Variants in KDM5B observed in about 807,000 individuals in gnomAD.
KDM5B encodes lysine demethylase 5B.
A neutral mutation model predicts 193.4 loss-of-function variants in KDM5B; 144 were observed. The observed-to-expected ratio is 0.74, with a 90% confidence interval of 0.65 to 0.86. The LOEUF (loss-of-function observed/expected upper bound fraction) is 0.86. KDM5B is among the 40% of genes least tolerant of loss of function. The pLI is 0.00. For missense variants in KDM5B, 1,833 were observed against 1,886.9 expected, an observed-to-expected ratio of 0.97 and a Z score of 0.53; for synonymous variants, 668 against 682.6, an observed-to-expected ratio of 0.98 and a Z score of 0.33.
intron 2 of KDM5B, 37 bp from the exon 3 acceptor site, chr1:202,774,772 CTTATT>C (rs1656869471): frequency 6.3e-7 from 1 of 1,597,582 alleles, no homozygotes; most frequent in African/African-American, 1.3e-5. Flanking sequence ...TCTCATTTAG[CTTATT>C]TTAAAGCTCC....
intron 1 of KDM5B, among the ~76,000 whole-genome samples, chr1:202,784,923 A>G (rs1657344303): frequency 1.3e-5 from 2 of 151,438 alleles, no homozygotes; most frequent in African/African-American, 2.4e-5. Context: ...CATCCTAGCT[A>G]CTCAGGAGGT....
chr1:202,787,476 T>A (rs6656784), intron 1 of KDM5B, among the ~76,000 whole-genome samples: 92,257 of 152,122 alleles, frequency 0.61, 31,230 homozygotes, highest in Middle Eastern at 0.77. Flanking sequence ...TGAGTTAATC[T>A]CTTTAATCTG....
intron 13 of KDM5B, 105 bp from the exon 14 acceptor site, chr1:202,749,244 T>TA: frequency 1.0e-6 from 1 of 972,504 alleles, no homozygotes; most frequent in South Asian, 1.7e-5. Flanking sequence ...CTATGGGTCT[T>TA]AACACGTATC....
chr1:202,734,707 C>T (rs575228318), intron 22 of KDM5B, among the ~76,000 whole-genome samples: 16 of 152,254 alleles, frequency 1.1e-4, no homozygotes, highest in African/African-American at 3.6e-4. Flanking sequence ...ACTGAATATA[C>T]GAATATACAC....
At chr1:202,756,908 A>C (rs1387283254) in intron 9 of KDM5B, among the ~76,000 whole-genome samples, 1 of 152,244 alleles carries the variant, frequency 6.6e-6, no homozygotes, top group Non-Finnish European at 1.5e-5. Flanking sequence ...GCTTTCAAAT[A>C]CATTACCTGA....
intron 9 of KDM5B, among the ~76,000 whole-genome samples, chr1:202,757,709 G>C (rs1382099106): frequency 6.6e-6 from 1 of 152,070 alleles, no homozygotes. Flanking sequence ...TATATTGCTG[G>C]GATCCATAAA....
Position 202,731,929 on chromosome 1 carries a change from G to A in KDM5B, c.3920C>T (p.Pro1307Leu), listed in dbSNP as rs1420418417. The change falls in exon 24 of 27, where the codon CCT becomes CTT. Residue 1307 changes from proline to leucine, a missense_variant. Transcript: ENST00000367265. ...QVSDTNKVSQPPGTTSFSLPD... is the reference protein window; with the variant it reads ...QVSDTNKVSQLPGTTSFSLPD... ...CAAAGAAAATGATGTTGTGCCAGGA[G>A]GTTGAGATACCTAATGGAGGGAAAA... The A allele has an allele frequency of 4.3e-6, 7 of 1,609,960 alleles. 1 individual carries two copies. The highest frequency in any genetic ancestry group is 3.4e-5 in the Admixed American group (2 of 59,620).
At chr1:202,761,250 C>A (rs916162491) in intron 7 of KDM5B, among the ~76,000 whole-genome samples, 2 of 151,956 alleles carry the variant, frequency 1.3e-5, no homozygotes, top group Admixed American at 6.6e-5. Context: ...CCAGCCTGGG[C>A]AACATGGCGA....
In KDM5B at chr1:202,735,455, T is replaced by C. The variant is rs946003985; in HGVS notation, c.3397A>G (p.Thr1133Ala). The C allele has an allele frequency of 1.9e-6, 3 of 1,614,026 alleles. No homozygotes were observed. Among genetic ancestry groups the C allele is most frequent in the Non-Finnish European group, 2.5e-6 (3 of 1,179,952 alleles). Residue 1133 changes from threonine to alanine, a missense_variant, in exon 22 of 27, where the codon ACT becomes GCT. By Grantham distance (58) the Thr-to-Ala change is moderately conservative (BLOSUM62 0). Coordinates refer to ENST00000367265, the MANE Select transcript of KDM5B (RefSeq NM_006618.5). ...ESLSDLERALTESKETASAMA... is the reference protein window; with the variant it reads ...ESLSDLERALAESKETASAMA... ...GCTGAAGCAGTCTCCTTGCTTTCAG[T>C]TAAAGCTCTCTCCAGGTCACTCAGA...
intron 16 of KDM5B, among the ~76,000 whole-genome samples, chr1:202,743,363 A>T (rs10920469): frequency 0.065 from 8,253 of 126,498 alleles, 452 homozygotes; most frequent in East Asian, 0.27. Context: ...AAAAAAAAAA[A>T]ACACCTGGCA....
At chr1:202,741,275 G>A (rs917761191) in intron 19 of KDM5B, 92 bp downstream of exon 19, 5 of 836,902 alleles carry the variant, frequency 6.0e-6, no homozygotes, top group Non-Finnish European at 8.9e-6. Context: ...CGCAGCTACT[G>A]AGCACTTGCC....
intron 20 of KDM5B, among the ~76,000 whole-genome samples, chr1:202,736,636 T>C (rs1655107080): frequency 2.0e-5 from 3 of 151,776 alleles, no homozygotes; most frequent in Non-Finnish European, 2.9e-5. Context: ...GTGGTGGTGG[T>C]AGTGTTGTTT....
At chr1:202,780,501 A>G (rs535912879) in intron 1 of KDM5B, among the ~76,000 whole-genome samples, 24 of 152,194 alleles carry the variant, frequency 1.6e-4, no homozygotes, top group African/African-American at 5.8e-4. Context: ...TGACCCAGCA[A>G]TTTTCTGATA....
chr1:202,725,395 T>A lies in KDM5B; in HGVS notation c.*3641A>T, dbSNP rs1239868050. On this transcript the variant is annotated 3_prime_UTR_variant, in exon 27 of 27. Coordinates refer to ENST00000367265, the MANE Select transcript of KDM5B (RefSeq NM_006618.5). ...TTATACAATTTTTTGTTTAGGCAGC[T>A]TTTCAGTAACATTTCTATAATAAGT... 3 of 152,240 alleles carry A rather than the reference T, an allele frequency of 2.0e-5. No individual in the cohort carries two copies. Among genetic ancestry groups the A allele is most frequent in the Admixed American group, 6.5e-5 (1 of 15,284 alleles). The allele number at this position is 152,240 out of a possible 1,614,324, so 9.4% of individuals were successfully genotyped here.
chr1:202,741,611 C>G lies in KDM5B; in HGVS notation c.2701G>C (p.Asp901His). The part of the protein sequence containing the change: ...QDLLDVSFEF[D>H]VELPQLAEMR... ...TCAGCAAGCTGTGGAAGTTCAACATCAAATTCAAAGCTGACATCTAGCAAG... is the reference window on the plus strand; with the variant it reads ...TCAGCAAGCTGTGGAAGTTCAACATGAAATTCAAAGCTGACATCTAGCAAG... Residue 901 changes from aspartate (D) to histidine (H), a missense_variant, in exon 19 of 27, where the codon GAT becomes CAT. Transcript: ENST00000367265. 6.2e-7 allele frequency: 1 copy of G among 1,614,218 alleles called. No homozygotes were observed. Among genetic ancestry groups the G allele is most frequent in the East Asian group, 2.2e-5 (1 of 44,888 alleles).
chr1:202,736,260 CA>C lies in KDM5B; in HGVS notation c.3216del (p.Cys1072TrpfsTer7). 6.2e-7 allele frequency: 1 copy of C among 1,607,992 alleles called. No homozygotes were observed. The highest frequency in any genetic ancestry group is 8.5e-7 in the Non-Finnish European group (1 of 1,176,994). On this transcript the variant is annotated frameshift_variant, in exon 21 of 27. Coordinates refer to ENST00000367265, the MANE Select transcript of KDM5B (RefSeq NM_006618.5). LOFTEE classifies it high-confidence loss of function. ...LVAEVQAWKE[C>X]AVNTFLTENS... The stretch of plus-strand genomic sequence containing the variant: ...TTCTCAGTCAAGAATGTATTAACAG[CA>C]CATTCTTTCCAAGCCTGAACCTCAG...
intron 14 of KDM5B, 172 bp from the exon 15 acceptor site, chr1:202,746,495 G>A (rs1655566916): frequency 5.9e-6 from 3 of 511,390 alleles, no homozygotes; most frequent in Middle Eastern, 5.1e-4. Flanking sequence ...AGCAAATACA[G>A]GCAAGTTCAT....
Position 202,728,764 on chromosome 1 carries a change from T to TG in KDM5B, c.*271dup. ...CAAGCTTCAATGCCTTCCAAATTGG[T>TG]GGGAACCCCTGCAAAAAAAACAGTC... On this transcript the variant is annotated 3_prime_UTR_variant, in exon 27 of 27. Coordinates refer to ENST00000367265, the MANE Select transcript of KDM5B (RefSeq NM_006618.5). The TG allele has an allele frequency of 2.9e-6, 1 of 345,754 alleles. No individual in the cohort carries two copies. The highest frequency in any genetic ancestry group is 5.4e-6 in the Non-Finnish European group (1 of 186,082). The allele number at this position is 345,754 out of a possible 1,614,324, so 21.4% of individuals were successfully genotyped here. A position where few individuals can be genotyped will look rare whatever the true frequency, so the allele number is the denominator to read the frequency against.
At position 202,760,525 on chromosome 1, in the gene KDM5B, G is replaced by A. The variant is rs779859270; in HGVS notation, c.967C>T (p.Arg323Trp). The change falls in exon 8 of 27, where the codon CGG becomes TGG. Residue 323 changes from arginine (R) to tryptophan (W), a missense_variant. By Grantham distance (101) the Arg-to-Trp change is moderately radical. Around this residue, in one of 3 missense-constraint regions of KDM5B, gnomAD observed 99 missense variants for 162.4 expected, o/e 0.61. Transcript: ENST00000367265. ...TCACAGCCATCACACAACAGTAGCC[G>A]GTCTTCATCATTGCCACTGCCACAT... ...LLCGSGNDED[R>W]LLLCDGCDDS... 5.6e-6 allele frequency: 9 copies of A among 1,612,898 alleles called. No homozygotes were observed. Among genetic ancestry groups the A allele is most frequent in the East Asian group, 2.2e-5 (1 of 44,790 alleles).
Sources: gnomAD v4.1 joint callset for allele counts (sites outside exome capture counted in the v4.1 genomes callset) on GRCh38, gnomAD v4.1.1 for gene constraint, gnomAD v4.1.1 regional missense constraint, MANE v1.5 for transcripts, NCBI Gene and HGNC (gene_info 2026-07-23, HGNC 2026-07-21) for gene names.